The following PKNOX2 variants were observed in gnomAD, a reference collection of about 807,000 sequenced individuals.
The protein encoded by PKNOX2 is homeobox protein PKNOX2.
PKNOX2 carries 14 observed loss-of-function variants against 53.1 expected under a neutral mutation model. The ratio of observed to expected loss-of-function variants is 0.26; its 90% CI spans 0.17 to 0.41. PKNOX2 has a LOEUF of 0.41. Ranked by LOEUF, PKNOX2 falls within the 10% of genes least tolerant of loss-of-function variation. The pLI is 1.00. For synonymous variants in PKNOX2, 257 were observed against 242.8 expected (o/e 1.06, Z -0.54); for missense variants, 496 against 602.8 (o/e 0.82, Z 1.85).
At chr11:125,321,196 C>T (rs1316152933) in intron 2 of PKNOX2, among the ~76,000 whole-genome samples, 1 of 152,186 alleles carries the variant, frequency 6.6e-6, no homozygotes, top group Admixed American at 6.5e-5. Flanking sequence ...AGGGTGAGTA[C>T]AGTTTAACTA....
chr11:125,213,437 T>C (rs1251969338), intron 1 of PKNOX2, among the ~76,000 whole-genome samples: 1 of 152,090 alleles, frequency 6.6e-6, no homozygotes, highest in Admixed American at 6.5e-5. Flanking sequence ...GTGCTCATTG[T>C]CTCCTCAGGA....
chr11:125,231,103 G>A (rs1163503049), intron 1 of PKNOX2, among the ~76,000 whole-genome samples: 1 of 152,180 alleles, frequency 6.6e-6, no homozygotes, highest in Non-Finnish European at 1.5e-5. Context: ...AGCGATTAAA[G>A]TTCCTTGTCC....
chr11:125,315,397 C>G (rs1949113214), intron 2 of PKNOX2, among the ~76,000 whole-genome samples: 1 of 151,958 alleles, frequency 6.6e-6, no homozygotes, highest in African/African-American at 2.4e-5. Flanking sequence ...GCGGCTCTGC[C>G]TCCTGCCCGA....
At chr11:125,245,609 C>A (rs1943501435) in intron 2 of PKNOX2, among the ~76,000 whole-genome samples, 1 of 152,210 alleles carries the variant, frequency 6.6e-6, no homozygotes, top group Non-Finnish European at 1.5e-5. Flanking sequence ...TCCTAGCCTG[C>A]CCCCATTAGG....
intron 3 of PKNOX2, among the ~76,000 whole-genome samples, chr11:125,339,325 C>T (rs1016533401): frequency 2.6e-5 from 4 of 152,168 alleles, no homozygotes; most frequent in Non-Finnish European, 4.4e-5. Context: ...CTGAAGTGAA[C>T]AGGAAGGGGC....
intron 4 of PKNOX2, among the ~76,000 whole-genome samples, chr11:125,358,546 T>C (rs76402190): frequency 0.032 from 4,944 of 152,296 alleles, 108 homozygotes; most frequent in East Asian, 0.093. Flanking sequence ...CTTTTAAAAT[T>C]AATTAACTAA....
At chr11:125,178,684 G>A (rs1257125405) in intron 1 of PKNOX2, among the ~76,000 whole-genome samples, 3,834 of 98,868 alleles carry the variant, frequency 0.039, 618 homozygotes, top group African/African-American at 0.18. Context: ...GAAAGAGAGA[G>A]AGAGAGAGAG....
chr11:125,237,085 A>T (rs1942755482), intron 2 of PKNOX2, among the ~76,000 whole-genome samples: 1 of 152,228 alleles, frequency 6.6e-6, no homozygotes, highest in South Asian at 2.1e-4. Context: ...TGCTGGAATC[A>T]TCCAAAGGCT....
intron 6 of PKNOX2, among the ~76,000 whole-genome samples, chr11:125,394,399 C>A (rs541707281): frequency 2.4e-4 from 36 of 152,332 alleles, no homozygotes; most frequent in Admixed American, 1.7e-3. Flanking sequence ...TGTGACTGAG[C>A]CCTGCATGAC....
rs1370618341 is a variant in PKNOX2, at chr11:125,341,799, T to G, written c.-22-9485T>G. Among the ~76,000 whole-genome samples the G allele has an allele frequency of 2.0e-5, 3 of 151,932 alleles. No homozygotes were observed. The East Asian group carries it at 5.8e-4, about 29-fold the overall frequency. Reference sequence around the variant, plus strand: ...ATCTTAGGTTGGGCGACGGAGGGAGTATCTGCTGGGGTGCGAGTCTGTGTG... The same window carrying G: ...ATCTTAGGTTGGGCGACGGAGGGAGGATCTGCTGGGGTGCGAGTCTGTGTG... On this transcript the variant is annotated intron_variant, in intron 3 of 12. Coordinates refer to ENST00000298282, the MANE Select transcript of PKNOX2 (RefSeq NM_001382323.2).
chr11:125,289,328 A>G (rs1212483124), intron 2 of PKNOX2, among the ~76,000 whole-genome samples: 4 of 152,224 alleles, frequency 2.6e-5, no homozygotes, highest in Admixed American at 2.0e-4. Context: ...TCCACCAGTG[A>G]TCCAGGCAGA....
intron 2 of PKNOX2, among the ~76,000 whole-genome samples, chr11:125,331,379 C>T (rs1341582676): frequency 6.6e-6 from 1 of 151,784 alleles, no homozygotes; most frequent in African/African-American, 2.4e-5. Context: ...AGTCGAAGCC[C>T]ACTGTCATTT....
In PKNOX2 at chr11:125,259,003, C is replaced by T. The variant is rs544089303; in HGVS notation, c.-130+23888C>T. On this transcript the variant is annotated intron_variant, in intron 2 of 12. Coordinates refer to ENST00000298282, the MANE Select transcript of PKNOX2 (RefSeq NM_001382323.2). The stretch of plus-strand genomic sequence containing the variant: ...GGAGTGAAGTATTTCTGCATAGTGT[C>T]GGACACATACTAGGATCTCAATGCA... The T allele has an allele frequency of 3.7e-3, 748 of 202,122 alleles. 7 individuals are homozygous for T. Among genetic ancestry groups the T allele is most frequent in the South Asian group, 0.014 (247 of 17,454 alleles). The allele number at this position is 202,122 out of a possible 1,614,324, so 12.5% of individuals were successfully genotyped here. A position where few individuals can be genotyped will look rare whatever the true frequency, so the allele number is the denominator to read the frequency against.
At chr11:125,213,706 C>T (rs1327963120) in intron 1 of PKNOX2, among the ~76,000 whole-genome samples, 1 of 152,126 alleles carries the variant, frequency 6.6e-6, no homozygotes, top group Non-Finnish European at 1.5e-5. Context: ...GATCTGCCCG[C>T]CATGGCCTCC....
At chr11:125,258,980 A>G (rs767709829) in intron 2 of PKNOX2, 1 of 239,266 alleles carries the variant, frequency 4.2e-6, no homozygotes, top group South Asian at 3.8e-5. Flanking sequence ...TGGAAGAGGG[A>G]GTGAAGTATT....
intron 2 of PKNOX2, among the ~76,000 whole-genome samples, chr11:125,302,386 C>T (rs982355053): frequency 2.0e-5 from 3 of 152,208 alleles, no homozygotes; most frequent in Admixed American, 1.3e-4. Flanking sequence ...GTCTAGTCCA[C>T]GATCTGCTAT....
chr11:125,315,498 G>A (rs75551556), intron 2 of PKNOX2, among the ~76,000 whole-genome samples: 2,878 of 152,188 alleles, frequency 0.019, 45 homozygotes, highest in Middle Eastern at 0.034. Context: ...CAGGGAGTGG[G>A]CTTGGTGCCA....
chr11:125,281,504 T>G (rs142266699), intron 2 of PKNOX2, among the ~76,000 whole-genome samples: 34 of 152,316 alleles, frequency 2.2e-4, no homozygotes, highest in African/African-American at 7.9e-4. Flanking sequence ...TACCCGTTGA[T>G]TGCCTCTCTT....
At chr11:125,208,293 A>C (rs1939393337) in intron 1 of PKNOX2, among the ~76,000 whole-genome samples, 1 of 152,102 alleles carries the variant, frequency 6.6e-6, no homozygotes, top group Admixed American at 6.5e-5. Context: ...GAGTGTGGCC[A>C]CAGAACCGAG....
Sources: allele counts gnomAD v4.1 joint callset (sites outside exome capture counted in the v4.1 genomes callset), GRCh38; gene constraint gnomAD v4.1.1; transcripts MANE v1.5; gene names NCBI Gene and HGNC (gene_info 2026-07-23, HGNC 2026-07-21).